PLCH1: variants seen among roughly 807,000 people sequenced by gnomAD.
PLCH1 encodes the protein 1-phosphatidylinositol 4,5-bisphosphate phosphodiesterase eta-1.
PLCH1 carries 60 observed loss-of-function variants against 126.7 expected under a neutral mutation model. The ratio of observed to expected loss-of-function variants is 0.47; its 90% CI spans 0.38 to 0.59. The LOEUF (loss-of-function observed/expected upper bound fraction) is 0.59, where lower values mean the gene tolerates loss of function less well. PLCH1 is among the 20% of genes least tolerant of loss of function. The pLI, the probability that PLCH1 is intolerant of heterozygous loss-of-function variation, is 0.00. For missense variants in PLCH1, 1,723 were observed against 2,040.0 expected (o/e 0.84, Z 2.99); for synonymous variants, 719 against 734.9 (o/e 0.98, Z 0.35).
At chr3:155,645,828 G>A (rs908359793) in intron 2 of PLCH1, among the ~76,000 whole-genome samples, 10 of 152,294 alleles carry the variant, frequency 6.6e-5, no homozygotes, top group African/African-American at 2.4e-4. Flanking sequence ...ACCAAGGCCA[G>A]TCAGGAGGTA....
chr3:155,564,802 A>C, intron 8 of PLCH1, 113 bp downstream of exon 8: 1 of 655,936 alleles, frequency 1.5e-6, no homozygotes, highest in Non-Finnish European at 2.8e-6. Flanking sequence ...GAAAAGTAGT[A>C]CTAATTAGTG....
intron 10 of PLCH1, among the ~76,000 whole-genome samples, chr3:155,538,374 A>G (rs1723733217): frequency 6.6e-6 from 1 of 152,194 alleles, no homozygotes; most frequent in Non-Finnish European, 1.5e-5. Flanking sequence ...CAAATTCAGC[A>G]GAAGAAAAGA....
At chr3:155,624,207 A>G (rs1450775367) in intron 2 of PLCH1, among the ~76,000 whole-genome samples, 6 of 152,246 alleles carry the variant, frequency 3.9e-5, no homozygotes, top group Non-Finnish European at 7.3e-5. Context: ...ACAGCACTTC[A>G]TGCTAAAAAC....
At chr3:155,735,001 G>T (rs967580606) in intron 1 of PLCH1, among the ~76,000 whole-genome samples, 2 of 152,000 alleles carry the variant, frequency 1.3e-5, no homozygotes, top group Non-Finnish European at 2.9e-5. Flanking sequence ...GAGCCACCGC[G>T]CCCAGCCTAT....
In PLCH1 at chr3:155,485,490, C is replaced by T. The variant is rs1464979467; in HGVS notation, c.2840G>A (p.Gly947Asp). The T allele has an allele frequency of 3.7e-6, 6 of 1,614,062 alleles. No homozygotes were observed. In the Admixed American group the frequency reaches 5.0e-5, roughly 13 times the overall value. The change falls in exon 22 of 23, where the codon GGC (glycine) becomes GAC (aspartate). Residue 947 changes from glycine (G) to aspartate (D), a missense_variant. This residue lies in a region of PLCH1 where 947 missense variants were observed against 977.1 expected (regional missense o/e 0.97). Coordinates refer to ENST00000460012, the MANE Select transcript of PLCH1 (RefSeq NM_014996.4). Reference sequence around the variant, plus strand: ...ACTGCGTGTGGTCCTCCTCAGCACGCCATCTTGATCTCTTGTGGCCTCGGA... The same window carrying T: ...ACTGCGTGTGGTCCTCCTCAGCACGTCATCTTGATCTCTTGTGGCCTCGGA... ...SVSEATRDQD[G>D]VLRRTTRSLQ...
chr3:155,494,998 C>T (rs936875461), intron 15 of PLCH1, among the ~76,000 whole-genome samples: 1 of 151,630 alleles, frequency 6.6e-6, no homozygotes, highest in Non-Finnish European at 1.5e-5. Flanking sequence ...CATCCAGGAT[C>T]CAAGAAAATA....
intron 1 of PLCH1, among the ~76,000 whole-genome samples, chr3:155,706,657 C>G (rs1273689279): frequency 2.6e-5 from 4 of 152,010 alleles, no homozygotes; most frequent in Non-Finnish European, 5.9e-5. Flanking sequence ...ACATTCCTCC[C>G]CTCAAAAGGT....
intron 7 of PLCH1, among the ~76,000 whole-genome samples, chr3:155,567,183 G>A (rs1444275195): frequency 6.6e-6 from 1 of 151,974 alleles, no homozygotes; most frequent in Non-Finnish European, 1.5e-5. Flanking sequence ...AGGGACTCTC[G>A]TGCCTCAGTT....
intron 2 of PLCH1, among the ~76,000 whole-genome samples, chr3:155,618,764 G>T (rs965199806): frequency 6.6e-6 from 1 of 152,108 alleles, no homozygotes; most frequent in African/African-American, 2.4e-5. Context: ...TCCCACCTCA[G>T]CTTCCTGAGG....
At chr3:155,521,949 C>A (rs1721159030) in intron 11 of PLCH1, among the ~76,000 whole-genome samples, 2 of 152,230 alleles carry the variant, frequency 1.3e-5, no homozygotes, top group South Asian at 2.1e-4. Flanking sequence ...TCCAAACCAT[C>A]TCCTGATGTG....
intron 11 of PLCH1, among the ~76,000 whole-genome samples, chr3:155,522,513 A>G (rs978671417): frequency 6.6e-6 from 1 of 152,206 alleles, no homozygotes; most frequent in African/African-American, 2.4e-5. Context: ...AAAGGGCATT[A>G]AAGCCAAGAA....
chr3:155,716,154 A>T (rs912977612), intron 1 of PLCH1, among the ~76,000 whole-genome samples: 5 of 152,226 alleles, frequency 3.3e-5, no homozygotes, highest in African/African-American at 7.2e-5. Context: ...ACAACTATTC[A>T]TAGTAATCTT....
intron 2 of PLCH1, among the ~76,000 whole-genome samples, chr3:155,654,297 C>A (rs1741111071): frequency 1.3e-5 from 2 of 151,904 alleles, no homozygotes; most frequent in South Asian, 2.1e-4. Flanking sequence ...CAGGACTCAG[C>A]CTATGACCTT....
At chr3:155,737,231 C>CAAAAAAAAAAAAAAAAAAAAAAAA (rs557369057) in intron 1 of PLCH1, among the ~76,000 whole-genome samples, 17 of 59,538 alleles carry the variant, frequency 2.9e-4, no homozygotes, top group African/African-American at 9.7e-4. Context: ...GCCTCCGTCT[C>CAAAAAAAAAAAAAAAAAAAAAAAA]AAAAAAAAAA....
chr3:155,701,166 T>C (rs564380528), intron 2 of PLCH1, among the ~76,000 whole-genome samples: 1 of 152,298 alleles, frequency 6.6e-6, no homozygotes, highest in African/African-American at 2.4e-5. Flanking sequence ...GAAGATGAAA[T>C]AGTAGGTAGA....
At chr3:155,514,430 C>G (rs1479510874) in intron 12 of PLCH1, among the ~76,000 whole-genome samples, 5 of 152,164 alleles carry the variant, frequency 3.3e-5, no homozygotes, top group Non-Finnish European at 7.4e-5. Context: ...GTAAGGGACA[C>G]AGTGGGCTGA....
At chr3:155,452,956 A>G (rs1223343108) in intron 21 of PLCH1, among the ~76,000 whole-genome samples, 1 of 152,184 alleles carries the variant, frequency 6.6e-6, no homozygotes, top group Non-Finnish European at 1.5e-5. Context: ...TCTACTATTA[A>G]AATGAGGATA....
intron 1 of PLCH1, among the ~76,000 whole-genome samples, chr3:155,738,627 C>T (rs1475502010): frequency 6.7e-6 from 1 of 148,518 alleles, no homozygotes; most frequent in Admixed American, 6.7e-5. Context: ...ACTAAAAATA[C>T]AAAAAAAAAA....
intron 2 of PLCH1, among the ~76,000 whole-genome samples, chr3:155,664,935 T>C (rs1267775610): frequency 6.6e-6 from 1 of 152,160 alleles, no homozygotes; most frequent in Non-Finnish European, 1.5e-5. Flanking sequence ...TACTAAATGC[T>C]CACCAAAACT....
Sources: gnomAD v4.1 joint callset for allele counts (sites outside exome capture counted in the v4.1 genomes callset) on GRCh38, gnomAD v4.1.1 for gene constraint, gnomAD v4.1.1 regional missense constraint, MANE v1.5 for transcripts, NCBI Gene and HGNC (gene_info 2026-07-23, HGNC 2026-07-21) for gene names.